Variants in FYB2 observed in about 807,000 individuals in gnomAD.
The protein encoded by FYB2 is FYN-binding protein 2.
In FYB2, 103 loss-of-function variants were observed where a neutral mutation model predicts 94.1. The ratio of observed to expected loss-of-function variants is 1.09; its 90% CI spans 0.93 to 1.29. The LOEUF (loss-of-function observed/expected upper bound fraction) is 1.29, where lower values mean the gene tolerates loss of function less well. FYB2 is among the 50% of genes most tolerant of loss of function. The pLI, the probability that FYB2 is intolerant of heterozygous loss-of-function variation, is 0.00. For synonymous variants in FYB2, 293 were observed against 287.9 expected, an observed-to-expected ratio of 1.02 and a Z score of -0.18; for missense variants, 896 against 841.5, an observed-to-expected ratio of 1.06 and a Z score of -0.80.
chr1:56,803,392 A>AACC (rs1282676178), intron 1 of FYB2, among the ~76,000 whole-genome samples: 2 of 152,160 alleles, frequency 1.3e-5, no homozygotes, highest in East Asian at 3.9e-4. Context: ...ACTTTTCCCT[A>AACC]ACCACTTCCT....
chr1:56,733,860 G>A (rs545338222), intron 15 of FYB2, among the ~76,000 whole-genome samples: 45 of 152,228 alleles, frequency 3.0e-4, no homozygotes, highest in Non-Finnish European at 4.7e-4. Context: ...GAATAAGTGC[G>A]ATGTGGTGCT....
chr1:56,779,189 T>C (rs1378649113), intron 4 of FYB2, among the ~76,000 whole-genome samples: 1 of 152,138 alleles, frequency 6.6e-6, no homozygotes, highest in Non-Finnish European at 1.5e-5. Flanking sequence ...TAAAGAAGTA[T>C]AAGGAAGCAT....
chr1:56,723,275 C>T (rs776264483), intron 17 of FYB2, among the ~76,000 whole-genome samples: 6 of 151,528 alleles, frequency 4.0e-5, no homozygotes, highest in Non-Finnish European at 5.9e-5. Flanking sequence ...TTACAAAAGA[C>T]GTGTAAAATA....
At chr1:56,762,446 C>T (rs1263838547) in intron 5 of FYB2, among the ~76,000 whole-genome samples, 2 of 152,048 alleles carry the variant, frequency 1.3e-5, no homozygotes, top group African/African-American at 4.8e-5. Context: ...CCTTATCATG[C>T]TTTGTAGGAT....
intron 13 of FYB2, 25 bp from the exon 14 acceptor site, chr1:56,738,678 A>G: frequency 6.2e-7 from 1 of 1,608,402 alleles, no homozygotes; most frequent in Non-Finnish European, 8.5e-7. Flanking sequence ...AAGACACAAA[A>G]GAGTTAAGGA....
At chr1:56,720,139 T>G (rs1186062106) in intron 18 of FYB2, 34 bp downstream of exon 18, 12 of 1,588,246 alleles carry the variant, frequency 7.6e-6, no homozygotes, top group Non-Finnish European at 1.0e-5. Context: ...TTAAAAAGAA[T>G]GAAATATTAT....
intron 5 of FYB2, among the ~76,000 whole-genome samples, chr1:56,767,302 C>T (rs1434967041): frequency 1.3e-5 from 2 of 152,158 alleles, no homozygotes; most frequent in South Asian, 2.1e-4. Flanking sequence ...AAAAATGTCC[C>T]GAGCATTGTC....
At chr1:56,724,330 G>C (rs1248456865) in intron 16 of FYB2, among the ~76,000 whole-genome samples, 1 of 152,044 alleles carries the variant, frequency 6.6e-6, no homozygotes, top group South Asian at 2.1e-4. Flanking sequence ...CCCTACAGAA[G>C]AAGCTGATTA....
chr1:56,810,256 C>T (rs1646736187), intron 1 of FYB2, among the ~76,000 whole-genome samples: 1 of 152,100 alleles, frequency 6.6e-6, no homozygotes, highest in African/African-American at 2.4e-5. Flanking sequence ...AATAGAAATG[C>T]TCCAATTTTG....
chr1:56,769,504 A>C (rs546086244), intron 4 of FYB2, among the ~76,000 whole-genome samples: 169 of 152,288 alleles, frequency 1.1e-3, no homozygotes, highest in African/African-American at 3.8e-3. Flanking sequence ...GATGTAAAGG[A>C]GTCAATATTC....
intron 3 of FYB2, among the ~76,000 whole-genome samples, chr1:56,787,541 G>A (rs572362585): frequency 6.6e-6 from 1 of 152,318 alleles, no homozygotes; most frequent in South Asian, 2.1e-4. Context: ...GCTGCTCAAT[G>A]TTTGTTTCAA....
At chr1:56,768,078 C>T (rs1645669221) in intron 4 of FYB2, 140 bp from the exon 5 acceptor site, 1 of 608,818 alleles carries the variant, frequency 1.6e-6, no homozygotes, top group Non-Finnish European at 2.8e-6. Context: ...GGCACACTAC[C>T]CCTACTCCAA....
intron 1 of FYB2, among the ~76,000 whole-genome samples, chr1:56,813,795 A>C (rs1646820305): frequency 6.6e-6 from 1 of 152,216 alleles, no homozygotes. Flanking sequence ...CCTTGGTTGA[A>C]TGTTAAGATA....
At position 56,751,135 on chromosome 1, in the gene FYB2, C is replaced by G. The variant is rs1326956430; in HGVS notation, c.1296G>C (p.Met432Ile). The G allele has an allele frequency of 6.2e-7, 1 of 1,612,806 alleles. No individual in the cohort carries two copies. The highest frequency in any genetic ancestry group is 1.1e-5 in the South Asian group (1 of 91,046). Residue 432 changes from methionine (M) to isoleucine (I), a missense_variant, in exon 9 of 20, where the codon ATG (methionine) becomes ATC (isoleucine). Transcript: ENST00000343433. ...MTNVHTGRRN[M>I]LAGKQEAMID... is the part of the protein sequence containing the mutation. The stretch of plus-strand genomic sequence containing the variant: ...TCATGGCCTCTTGCTTTCCAGCCAA[C>G]ATGTTCCTTCTACCTGTGTGGACGT...
chr1:56,743,863 C>T (rs1005266391), intron 11 of FYB2, among the ~76,000 whole-genome samples, 163 bp downstream of exon 11: 1 of 152,120 alleles, frequency 6.6e-6, no homozygotes, highest in South Asian at 2.1e-4. Context: ...TAGCACATAC[C>T]TTGGTATTGC....
At chr1:56,743,512 A>G (rs1246563611) in intron 11 of FYB2, among the ~76,000 whole-genome samples, 1 of 152,006 alleles carries the variant, frequency 6.6e-6, no homozygotes, top group Non-Finnish European at 1.5e-5. Flanking sequence ...AGGAAAGAGC[A>G]TTCCGGAAAG....
intron 4 of FYB2, among the ~76,000 whole-genome samples, chr1:56,774,327 T>C (rs557355971): frequency 6.6e-6 from 1 of 152,240 alleles, no homozygotes; most frequent in South Asian, 2.1e-4. Context: ...TATATGAGAA[T>C]GAAATGATAT....
chr1:56,771,649 T>G (rs564155720), intron 4 of FYB2, among the ~76,000 whole-genome samples: 1 of 152,280 alleles, frequency 6.6e-6, no homozygotes, highest in Admixed American at 6.5e-5. Flanking sequence ...AGGTTAGAGT[T>G]GAAGCGACTT....
At chr1:56,737,695 T>C (rs1393251629) in intron 14 of FYB2, 1 of 152,224 alleles carries the variant, frequency 6.6e-6, no homozygotes, top group African/African-American at 2.4e-5. Flanking sequence ...ATATTCACAT[T>C]CCTTGGCACT....
Sources: allele counts gnomAD v4.1 joint callset (sites outside exome capture counted in the v4.1 genomes callset), GRCh38; gene constraint gnomAD v4.1.1; transcripts MANE v1.5; gene names NCBI Gene and HGNC (gene_info 2026-07-23, HGNC 2026-07-21).